Variants in ZAN observed in about 807,000 individuals in gnomAD.
The protein encoded by ZAN is zonadhesin (gene/pseudogene).
ZAN carries 260 observed loss-of-function variants against 286.2 expected under a neutral mutation model. That is an observed-to-expected ratio of 0.91 (90% CI 0.82 to 1.01). The LOEUF is 1.01. Among genes scored for constraint, ZAN ranks in the 50% least tolerant of loss-of-function variants. The pLI is 0.00. For missense variants in ZAN, 3,410 were observed against 3,639.2 expected (o/e 0.94, Z 1.62); for synonymous variants, 1,368 against 1,417.5 (o/e 0.97, Z 0.79).
chr7:100,747,456 C>G (rs528019435), intron 8 of ZAN, 94 bp from the exon 9 acceptor site: 2 of 968,668 alleles, frequency 2.1e-6, no homozygotes, highest in Non-Finnish European at 3.4e-6. Flanking sequence ...TCGTCCCCAG[C>G]TATGCCCTCT....
At position 100,768,668 on chromosome 7, in the gene ZAN, C is replaced by T. The variant is rs781312732; in HGVS notation, c.5100C>T (p.Gly1700=). 5.0e-6 allele frequency: 8 copies of T among 1,609,910 alleles called. No individual in the cohort carries two copies. Among genetic ancestry groups the T allele is most frequent in the East Asian group, 4.5e-5 (2 of 44,736 alleles). Residue 1700 remains glycine (G), a synonymous_variant, in exon 27 of 48, where the codon GGC becomes GGT. Transcript: ENST00000613979. ...DNLRPDRKLA[G]DSMQLGAAWK... is the part of the protein sequence containing the mutation. ...TGCGCCCCGACAGAAAGCTTGCAGG[C>T]GATTCCATGCAGCTGGGGGCCGCCT...
In ZAN at chr7:100,736,779, C is replaced by T; in HGVS notation, c.254-30C>T. The stretch of plus-strand genomic sequence containing the variant: ...GGGGCAGCCCTCAGAGGTGGCTGGG[C>T]CTCAGTGTCTTGGGCTCTGCCTCCC... On this transcript the variant is annotated intron_variant, in intron 4 of 47. Coordinates refer to ENST00000613979, the MANE Select transcript of ZAN (RefSeq NM_003386.3). 2 of 1,459,944 alleles carry T rather than the reference C, an allele frequency of 1.4e-6. 1 individual carries two copies. The highest frequency in any genetic ancestry group is 1.9e-6 in the Non-Finnish European group (2 of 1,076,570). 90.4% of individuals were successfully genotyped at this position (1,459,944 alleles called of 1,614,324 possible). A position where few individuals can be genotyped will look rare whatever the true frequency, so the allele number is the denominator to read the frequency against.
At chr7:100,788,596 C>T (rs531853254) in intron 38 of ZAN, among the ~76,000 whole-genome samples, 111 of 152,214 alleles carry the variant, frequency 7.3e-4, no homozygotes, top group Admixed American at 4.1e-3. Context: ...TGTGGGGAGG[C>T]AGCAGAGGCT....
At position 100,789,237 on chromosome 7, in the gene ZAN, C is replaced by T; in HGVS notation, c.7247C>T (p.Ala2416Val). The T allele has an allele frequency of 1.2e-6, 2 of 1,613,520 alleles. No homozygotes were observed. The highest frequency in any genetic ancestry group is 1.7e-6 in the Non-Finnish European group (2 of 1,179,714). The change falls in exon 39 of 48, where the codon GCC (alanine) becomes GTC (valine). Residue 2416 changes from alanine (A) to valine (V), a missense_variant. By Grantham distance (64) the Ala-to-Val change is moderately conservative. Transcript: ENST00000613979. ...CTTTAGGTCAACAACCAGAAGATGGCCGTCCCCTACAGGCCAAATGAACAC... is the reference window on the plus strand; with the variant it reads ...CTTTAGGTCAACAACCAGAAGATGGTCGTCCCCTACAGGCCAAATGAACAC... ...LELVVNNQKM[A>V]VPYRPNEHLR... is the part of the protein sequence containing the mutation.
chr7:100,753,152 T>A lies in ZAN; in HGVS notation c.3047T>A (p.Val1016Glu). The change falls in exon 14 of 48, where the codon GTG (valine) becomes GAG (glutamate). Residue 1016 changes from valine (V) to glutamate (E), a missense_variant. Transcript: ENST00000613979. ...ACAGCCACTGGGCTGGCAGCCTTGGTGATGTCTCCACATGCTCCAAGTACC... is the reference window on the plus strand; with the variant it reads ...ACAGCCACTGGGCTGGCAGCCTTGGAGATGTCTCCACATGCTCCAAGTACC... The part of the protein sequence containing the change: ...SPTATGLAAL[V>E]MSPHAPSTPM... 1 of 1,613,782 alleles carries A rather than the reference T, an allele frequency of 6.2e-7. No homozygotes were observed. The highest frequency in any genetic ancestry group is 8.5e-7 in the Non-Finnish European group (1 of 1,179,844).
rs528949734 is a variant in ZAN at position 100,779,575 on chromosome 7, G to C, written c.6447G>C (p.Val2149=). ...GCGAGGCAGCGCTCCGGGCTCCTGT[G>C]TGGGCCCAGTGCGCCTCCCGCATAG... The part of the protein sequence containing the change: ...EKCEAALRAP[V]WAQCASRIDL... Residue 2149 remains valine, a synonymous_variant, in exon 35 of 48, where the codon GTG becomes GTC. Transcript: ENST00000613979. 6.2e-7 allele frequency: 1 copy of C among 1,610,294 alleles called. No individual in the cohort carries two copies. The highest frequency in any genetic ancestry group is 1.3e-5 in the African/African-American group (1 of 75,020).
At position 100,759,741 on chromosome 7, in the gene ZAN, G is replaced by A. The variant is rs1164914808; in HGVS notation, c.3592G>A (p.Ala1198Thr). Reference sequence around the variant, plus strand: ...CCCAGACCCATTCTTCAGGGTGACAGCCAAGAATGAGGAGCAGGGACAGGA... The same window carrying A: ...CCCAGACCCATTCTTCAGGGTGACAACCAAGAATGAGGAGCAGGGACAGGA... The part of the protein sequence containing the change: ...NSTDPFFRVT[A>T]KNEEQGQEGV... The change falls in exon 18 of 48, where the codon GCC becomes ACC. Residue 1198 changes from alanine (A) to threonine (T), a missense_variant. Around this residue, in one of 7 missense-constraint regions of ZAN, gnomAD observed 1,042 missense variants for 1,058.0 expected, o/e 0.98. Transcript: ENST00000613979. 6.3e-7 allele frequency: 1 copy of A among 1,591,090 alleles called. No homozygotes were observed. The highest frequency in any genetic ancestry group is 2.3e-5 in the East Asian group (1 of 43,600).
chr7:100,741,515 G>A (rs1807760350), intron 7 of ZAN, among the ~76,000 whole-genome samples: 1 of 52,522 alleles, frequency 1.9e-5, no homozygotes, highest in African/African-American at 5.5e-5. Flanking sequence ...CAGGGGGGCT[G>A]ACCCCCCCCA....
chr7:100,760,043 G>A (rs768678734), intron 18 of ZAN, among the ~76,000 whole-genome samples, 198 bp downstream of exon 18: 1 of 152,064 alleles, frequency 6.6e-6, no homozygotes, highest in African/African-American at 2.4e-5. Context: ...GCAAGACCCT[G>A]TCTCTTAAAA....
At chr7:100,791,925 C>T in intron 40 of ZAN, 41 bp from the exon 41 acceptor site, 1 of 1,568,842 alleles carries the variant, frequency 6.4e-7, no homozygotes, top group Non-Finnish European at 8.6e-7. Flanking sequence ...ACTTCACCTT[C>T]CTTGGGGCCT....
In ZAN at chr7:100,793,820, C is replaced by T. The variant is rs1812156506; in HGVS notation, c.7788C>T (p.Gly2596=). The T allele has an allele frequency of 1.3e-6, 2 of 1,588,244 alleles. No individual in the cohort carries two copies. The highest frequency in any genetic ancestry group is 1.3e-5 in the African/African-American group (1 of 74,680). ...QEELRCQVLS[G]HGVSSRYHIS... Reference sequence around the variant, plus strand: ...TTTCTGACCATGACTGTCCCCGCAGCCATGGAGTGTCCAGCAGGTACCATA... The same window carrying T: ...TTTCTGACCATGACTGTCCCCGCAGTCATGGAGTGTCCAGCAGGTACCATA... The change falls in exon 43 of 48, where the codon GGC becomes GGT. Residue 2596 remains glycine (G), a splice_region_variant and synonymous_variant. Transcript: ENST00000613979.
chr7:100,794,040 C>T, intron 43 of ZAN, 22 bp downstream of exon 43: 1 of 1,612,370 alleles, frequency 6.2e-7, no homozygotes, highest in Non-Finnish European at 8.5e-7. Context: ...CAGCAGGAGG[C>T]CCTGGGGAGC....
At chr7:100,792,332 C>G in intron 41 of ZAN, 73 bp from the exon 42 acceptor site, 1 of 1,526,284 alleles carries the variant, frequency 6.6e-7, no homozygotes, top group Non-Finnish European at 8.8e-7. Context: ...GGGTTCCAGG[C>G]TCTCTTCTGC....
At position 100,788,131 on chromosome 7, in the gene ZAN, C is replaced by A; in HGVS notation, c.7222C>A (p.Leu2408Ile). Residue 2408 changes from leucine to isoleucine, a missense_variant, in exon 38 of 48, where the codon CTT becomes ATT. This residue lies in a region of ZAN where 1,289 missense variants were observed against 1,314.3 expected (regional missense o/e 0.98). Transcript: ENST00000613979. ...AGTGCAGCTCCAAGCTGGTCTGGAG[C>A]TTGTGGTAAGAGCTGGGCCAGGGCC... Reference protein sequence around the residue: ...YKVQLQAGLELVVNNQKMAVP... With the variant: ...YKVQLQAGLEIVVNNQKMAVP... The A allele has an allele frequency of 6.7e-7, 1 of 1,491,934 alleles. No individual in the cohort carries two copies. The allele number at this position is 1,491,934 out of a possible 1,614,324, so 92.4% of individuals were successfully genotyped here.
At position 100,762,353 on chromosome 7, in the gene ZAN, C is replaced by T. The variant is rs748335280; in HGVS notation, c.3981C>T (p.Asp1327=). 28 of 1,609,480 alleles carry T rather than the reference C, an allele frequency of 1.7e-5. No homozygotes were observed. Among genetic ancestry groups the T allele is most frequent in the Non-Finnish European group, 1.2e-5 (14 of 1,177,574 alleles). The change falls in exon 20 of 48, where the codon GAC becomes GAT. Residue 1327 remains aspartate, a synonymous_variant. Coordinates refer to ENST00000613979, the MANE Select transcript of ZAN (RefSeq NM_003386.3). The part of the protein sequence containing the change: ...GNSWQTDQDE[D]QECQKYQVVN... ...GCTGGCAGACGGACCAGGACGAGGA[C>T]CAGGAGTGAGCAAGGAGCCCTCCCA...
intron 25 of ZAN, 113 bp downstream of exon 25, chr7:100,767,370 AGCACCTGCAGCTGACCCAGACCCTCT>A: frequency 6.9e-7 from 1 of 1,446,192 alleles, no homozygotes; most frequent in African/African-American, 1.4e-5. Context: ...GCACCTGGGA[AGCACCTGCAGCTGACCCAGACCCTCT>A]TCTCTGGACT....
In ZAN at chr7:100,746,678, C is replaced by A. The variant is rs763574578; in HGVS notation, c.907C>A (p.Leu303Ile). Reference protein sequence around the residue: ...ILRGQSPGAALHIYASVLGSI... With the variant: ...ILRGQSPGAAIHIYASVLGSI... ...CCGGGGCCAGTCTCCTGGTGCAGCC[C>A]TCCACATTTATGCTTCAGTCTTGGG... The change falls in exon 8 of 48, where the codon CTC (leucine) becomes ATC (isoleucine). Residue 303 changes from leucine to isoleucine, a missense_variant. Leu to Ile is a conservative substitution (Grantham distance 5). This residue lies in a region of ZAN where 872 missense variants were observed against 938.9 expected (regional missense o/e 0.93). Coordinates refer to ENST00000613979, the MANE Select transcript of ZAN (RefSeq NM_003386.3). 3.1e-6 allele frequency: 5 copies of A among 1,613,828 alleles called. No individual in the cohort carries two copies. In the African/African-American group the frequency reaches 5.3e-5, roughly 17 times the overall value.
chr7:100,790,920 G>A, intron 39 of ZAN, 22 bp from the exon 40 acceptor site: 1 of 1,581,244 alleles, frequency 6.3e-7, no homozygotes, highest in Admixed American at 1.9e-5. Context: ...TCTCACTTCT[G>A]GGGACCCCCT....
At chr7:100,772,758 T>C (rs928300710) in intron 29 of ZAN, among the ~76,000 whole-genome samples, 1 of 151,022 alleles carries the variant, frequency 6.6e-6, no homozygotes, top group African/African-American at 2.4e-5. Flanking sequence ...GAGGTGGAGC[T>C]TGCAGTGACC....
Sources: allele counts gnomAD v4.1 joint callset (sites outside exome capture counted in the v4.1 genomes callset), GRCh38; gene constraint gnomAD v4.1.1; regional missense constraint gnomAD v4.1.1; transcripts MANE v1.5; gene names NCBI Gene and HGNC (gene_info 2026-07-23, HGNC 2026-07-21).